Variants in FANCC observed in about 807,000 individuals in gnomAD.
FANCC encodes Fanconi anemia group C protein.
In FANCC, 55 loss-of-function variants were observed where a neutral mutation model predicts 71.3. That is an observed-to-expected ratio of 0.77 (90% CI 0.62 to 0.97). FANCC has a LOEUF of 0.97. Ranked by LOEUF, FANCC falls within the 50% of genes least tolerant of loss-of-function variation. The pLI is 0.00. For synonymous variants in FANCC, 275 were observed against 244.9 expected (o/e 1.12, Z -1.15); for missense variants, 678 against 670.9 (o/e 1.01, Z -0.12).
intron 6 of FANCC, among the ~76,000 whole-genome samples, chr9:95,167,289 A>T (rs1449974993): frequency 6.6e-6 from 1 of 152,158 alleles, no homozygotes; most frequent in Non-Finnish European, 1.5e-5. Context: ...ATGTTGTTGT[A>T]GGCCTCTTTG....
intron 1 of FANCC, among the ~76,000 whole-genome samples, chr9:95,268,083 C>T (rs114013370): frequency 0.013 from 2,043 of 152,310 alleles, 51 homozygotes; most frequent in African/African-American, 0.046. Flanking sequence ...GGCTGTGAGT[C>T]CCACTAGCAT....
intron 1 of FANCC, among the ~76,000 whole-genome samples, chr9:95,268,999 G>A (rs529117342): frequency 6.6e-6 from 1 of 152,224 alleles, no homozygotes; most frequent in East Asian, 1.9e-4. Flanking sequence ...TTGAAAAATG[G>A]CTCAGTAAAA....
At chr9:95,261,931 G>A (rs1372618260) in intron 1 of FANCC, among the ~76,000 whole-genome samples, 2 of 152,154 alleles carry the variant, frequency 1.3e-5, no homozygotes, top group African/African-American at 4.8e-5. Context: ...AGGGAAACCA[G>A]CCATGGGGCC....
At chr9:95,109,985 A>G (rs1001774176) in intron 13 of FANCC, among the ~76,000 whole-genome samples, 2 of 152,178 alleles carry the variant, frequency 1.3e-5, no homozygotes, top group Non-Finnish European at 2.9e-5. Context: ...ACCAGCAAGG[A>G]AGGGGCTCTG....
At chr9:95,210,100 C>T (rs1828396211) in intron 4 of FANCC, among the ~76,000 whole-genome samples, 1 of 152,196 alleles carries the variant, frequency 6.6e-6, no homozygotes, top group Admixed American at 6.5e-5. Flanking sequence ...CAGAAGAATA[C>T]ATGTCATTAT....
intron 4 of FANCC, among the ~76,000 whole-genome samples, chr9:95,203,382 A>AAC (rs1385647452): frequency 1.3e-5 from 2 of 151,316 alleles, no homozygotes; most frequent in Non-Finnish European, 2.9e-5. Context: ...CTGTCTCAAA[A>AAC]AAAAAAAAAA....
At chr9:95,103,904 G>C (rs752248215) in intron 14 of FANCC, among the ~76,000 whole-genome samples, 2 of 152,232 alleles carry the variant, frequency 1.3e-5, no homozygotes, top group Non-Finnish European at 2.9e-5. Context: ...TCTGAAGAGA[G>C]ATAGTGGCCT....
intron 4 of FANCC, among the ~76,000 whole-genome samples, chr9:95,227,157 CCTCT>C (rs764765427): frequency 1.1e-4 from 17 of 152,222 alleles, no homozygotes; most frequent in Non-Finnish European, 1.6e-4. Context: ...CACTCTCTCT[CCTCT>C]CTAAGAGAAA....
At chr9:95,145,134 A>C (rs1829354164) in intron 7 of FANCC, 1 of 152,218 alleles carries the variant, frequency 6.6e-6, no homozygotes, top group Admixed American at 6.5e-5. Context: ...TATGTATCCT[A>C]ATTTTTAAGA....
intron 4 of FANCC, among the ~76,000 whole-genome samples, chr9:95,183,602 G>A (rs1181337174): frequency 1.3e-5 from 2 of 152,158 alleles, no homozygotes; most frequent in African/African-American, 2.4e-5. Flanking sequence ...ACATGACATC[G>A]CTATGTGCTT....
At chr9:95,224,283 G>T (rs763516704) in intron 4 of FANCC, among the ~76,000 whole-genome samples, 1 of 152,154 alleles carries the variant, frequency 6.6e-6, no homozygotes, top group Non-Finnish European at 1.5e-5. Flanking sequence ...CTGCCTTTAA[G>T]TGTGCTGGTG....
At chr9:95,225,181 A>C (rs888049223) in intron 4 of FANCC, among the ~76,000 whole-genome samples, 4 of 152,352 alleles carry the variant, frequency 2.6e-5, no homozygotes, top group African/African-American at 7.2e-5. Flanking sequence ...ACTGAACTTC[A>C]AAACAGATGT....
chr9:95,201,667 T>C (rs981972608), intron 4 of FANCC, among the ~76,000 whole-genome samples: 2 of 152,188 alleles, frequency 1.3e-5, no homozygotes, highest in Non-Finnish European at 2.9e-5. Flanking sequence ...AAAAAATTTG[T>C]GCCACCACAC....
chr9:95,295,360 A>C (rs1315715519), intron 1 of FANCC, among the ~76,000 whole-genome samples: 1 of 152,060 alleles, frequency 6.6e-6, no homozygotes, highest in Non-Finnish European at 1.5e-5. Context: ...CAAAACAAAA[A>C]ACAAAACAAA....
At chr9:95,111,128 C>G in intron 13 of FANCC, 1 of 1,533,346 alleles carries the variant, frequency 6.5e-7, no homozygotes, top group Admixed American at 2.0e-5. Context: ...TCAGAACAGC[C>G]CGCCTCTGCA....
chr9:95,114,540 C>A, intron 12 of FANCC, 89 bp downstream of exon 12: 1 of 1,173,220 alleles, frequency 8.5e-7, no homozygotes. Context: ...CCAGTAATGC[C>A]TTCCTCTGTC....
chr9:95,218,825 C>G (rs1361195764), intron 4 of FANCC, among the ~76,000 whole-genome samples: 1 of 152,096 alleles, frequency 6.6e-6, no homozygotes, highest in Non-Finnish European at 1.5e-5. Flanking sequence ...ATGGAAACAT[C>G]AAACAAACAA....
chr9:95,305,229 G>C (rs146239531), intron 1 of FANCC, among the ~76,000 whole-genome samples: 3 of 152,300 alleles, frequency 2.0e-5, no homozygotes, highest in Admixed American at 6.5e-5. Context: ...TTAGGCCAAA[G>C]CCCAGTTATT....
intron 1 of FANCC, among the ~76,000 whole-genome samples, chr9:95,311,368 C>T (rs1835392363): frequency 6.6e-6 from 1 of 150,892 alleles, no homozygotes; most frequent in Non-Finnish European, 1.5e-5. Flanking sequence ...TTTAAGTAAA[C>T]AGTAACAACC....
Sources: gnomAD v4.1 joint callset for allele counts (sites outside exome capture counted in the v4.1 genomes callset) on GRCh38, gnomAD v4.1.1 for gene constraint, MANE v1.5 for transcripts, NCBI Gene and HGNC (gene_info 2026-07-23, HGNC 2026-07-21) for gene names.